Variants in DNAI2 observed in about 807,000 individuals in gnomAD.
DNAI2 encodes the protein dynein, axonemal, intermediate polypeptide 2.
A neutral mutation model predicts 74.7 loss-of-function variants in DNAI2; 63 were observed. The ratio of observed to expected loss-of-function variants is 0.84; its 90% CI spans 0.69 to 1.04. The LOEUF (loss-of-function observed/expected upper bound fraction) is 1.04. Among genes scored for constraint, DNAI2 ranks in the 50% least tolerant of loss-of-function variants. DNAI2 has a pLI of 0.00. For missense variants in DNAI2, 688 were observed against 803.2 expected (o/e 0.86, Z 1.73); for synonymous variants, 289 against 314.9 (o/e 0.92, Z 0.87).
rs1023125922 is a variant in DNAI2, at chr17:74,289,700, G to C, written c.574G>C (p.Val192Leu). 1 of 1,613,962 alleles carries C rather than the reference G, an allele frequency of 6.2e-7. No individual in the cohort carries two copies. The highest frequency in any genetic ancestry group is 8.5e-7 in the Non-Finnish European group (1 of 1,180,040). The change falls in exon 5 of 14, where the codon GTG becomes CTG. Residue 192 changes from valine to leucine, a missense_variant. Val to Leu is a conservative substitution (Grantham distance 32). Transcript: ENST00000311014. ...CTGCTTGGATTTTCAGCGGGCACCT[G>C]TGGGCATGAGCAGCGATTCATACAT... ...YSCLDFQRAPVGMSSDSYIWD... is the reference protein window; with the variant it reads ...YSCLDFQRAPLGMSSDSYIWD...
At chr17:74,291,511 G>A (rs2052097611) in intron 6 of DNAI2, among the ~76,000 whole-genome samples, 2 of 152,208 alleles carry the variant, frequency 1.3e-5, no homozygotes, top group African/African-American at 4.8e-5. Context: ...ATAGGGCAGA[G>A]CCCACATGGC....
intron 1 of DNAI2, among the ~76,000 whole-genome samples, chr17:74,279,164 C>T (rs1385540935): frequency 6.6e-6 from 1 of 152,044 alleles, no homozygotes; most frequent in Non-Finnish European, 1.5e-5. Flanking sequence ...GAGACTCCGT[C>T]TCAAAATAAA....
At chr17:74,286,615 G>A (rs1435820632) in intron 3 of DNAI2, among the ~76,000 whole-genome samples, 6 of 151,970 alleles carry the variant, frequency 3.9e-5, no homozygotes, top group Admixed American at 1.3e-4. Context: ...GGTAGAGATG[G>A]GGTTTTACTA....
chr17:74,281,854 G>A lies in DNAI2; in HGVS notation c.37G>A (p.Glu13Lys), dbSNP rs2051408034. Residue 13 changes from glutamate (E) to lysine (K), a missense_variant, in exon 2 of 14, where the codon GAG becomes AAG. Physicochemically the swap from Glu to Lys is moderately conservative, Grantham distance 56 (BLOSUM62 1). Transcript: ENST00000311014. ...IVYVYVKKRSEFGKQCNFSDR... is the reference protein window; with the variant it reads ...IVYVYVKKRSKFGKQCNFSDR... ...GTACGTGTACGTCAAGAAGCGCAGC[G>A]AGTTCGGGAAGCAGTGCAATTTCTC... The A allele has an allele frequency of 6.2e-7, 1 of 1,614,112 alleles. No individual in the cohort carries two copies. Among genetic ancestry groups the A allele is most frequent in the Non-Finnish European group, 8.5e-7 (1 of 1,180,038 alleles).
intron 6 of DNAI2, among the ~76,000 whole-genome samples, chr17:74,298,401 T>C (rs937155988): frequency 1.3e-5 from 2 of 152,098 alleles, no homozygotes; most frequent in Non-Finnish European, 2.9e-5. Context: ...GCCTCCCAGG[T>C]GCGAGTGATT....
chr17:74,309,240 C>A lies in DNAI2; in HGVS notation c.1212-13C>A. 6.2e-7 allele frequency: 1 copy of A among 1,613,868 alleles called. No homozygotes were observed. The highest frequency in any genetic ancestry group is 8.5e-7 in the Non-Finnish European group (1 of 1,179,894). ...TCTGTCCCTCCAACCATGATGTGGT[C>A]TACCTCCCACAGGTACCACATGGCT... On this transcript the variant is annotated splice_polypyrimidine_tract_variant and intron_variant, in intron 9 of 13. Coordinates refer to ENST00000311014, the MANE Select transcript of DNAI2 (RefSeq NM_023036.6).
Position 74,314,597 on chromosome 17 carries a change from CCAG to C in DNAI2, c.*65_*67del. On this transcript the variant is annotated 3_prime_UTR_variant, in exon 14 of 14. Coordinates refer to ENST00000311014, the MANE Select transcript of DNAI2 (RefSeq NM_023036.6). ...CGTTTGTAACCTTGCAGACCCTCAACCAGACTTGCATGGCCATGGCAGGGCCTC... is the reference window on the plus strand; with the variant it reads ...CGTTTGTAACCTTGCAGACCCTCAACACTTGCATGGCCATGGCAGGGCCTC... 7.1e-6 allele frequency: 2 copies of C among 282,262 alleles called. No homozygotes were observed. The highest frequency in any genetic ancestry group is 7.1e-6 in the Non-Finnish European group (1 of 140,622). The allele number at this position is 282,262 out of a possible 1,614,324, so 17.5% of individuals were successfully genotyped here.
chr17:74,282,265 G>A (rs1246363263), intron 2 of DNAI2, among the ~76,000 whole-genome samples: 1 of 151,994 alleles, frequency 6.6e-6, no homozygotes, highest in Non-Finnish European at 1.5e-5. Flanking sequence ...GTTTCACCTC[G>A]AAGACACTTA....
At position 74,299,691 on chromosome 17, in the gene DNAI2, C is replaced by T. The variant is rs72848284; in HGVS notation, c.725-27C>T. Reference sequence around the variant, plus strand: ...GGAAGGAAGCCTGTGCCCCCTTCCACTCCTTCTTCATCTCCTTCCTCACCA... The same window carrying T: ...GGAAGGAAGCCTGTGCCCCCTTCCATTCCTTCTTCATCTCCTTCCTCACCA... On this transcript the variant is annotated intron_variant, in intron 6 of 13. Transcript: ENST00000311014. 59,610 of 1,612,962 alleles carry T rather than the reference C, an allele frequency of 0.037. 1,381 individuals are homozygous for T. Among genetic ancestry groups the T allele is most frequent in the Non-Finnish European group, 0.044 (51,898 of 1,179,918 alleles).
chr17:74,312,236 G>T lies in DNAI2; in HGVS notation c.1722+6G>T, dbSNP rs1172124133. 5.8e-6 allele frequency: 8 copies of T among 1,380,106 alleles called. No individual in the cohort carries two copies. Among genetic ancestry groups the T allele is most frequent in the Non-Finnish European group, 6.1e-6 (6 of 988,642 alleles). 85.5% of individuals were successfully genotyped at this position (1,380,106 alleles called of 1,614,324 possible). ...TAAAGCTGACGCCAGTGCCTGTAGG[G>T]GCCTGGACAGGGGTTGGGTGGGTTG... On this transcript the variant is annotated splice_donor_region_variant and intron_variant, in intron 12 of 13. Coordinates refer to ENST00000311014, the MANE Select transcript of DNAI2 (RefSeq NM_023036.6).
chr17:74,302,472 CAGG>C, intron 8 of DNAI2, among the ~76,000 whole-genome samples: 1 of 152,174 alleles, frequency 6.6e-6, no homozygotes, highest in South Asian at 2.1e-4. Context: ...GAGGCTGAGG[CAGG>C]AGAATTGCTT....
At chr17:74,309,904 T>G in intron 10 of DNAI2, 113 bp from the exon 11 acceptor site, 2 of 1,410,618 alleles carry the variant, frequency 1.4e-6, no homozygotes, top group Admixed American at 1.7e-5. Context: ...AGAGGCGTCC[T>G]GAGGATGTTT....
rs1390783712 is a variant in DNAI2 at position 74,274,285 on chromosome 17, AGCCGCGACCG to A, written c.-71_-62del. The A allele has an allele frequency of 2.4e-5, 2 of 83,062 alleles. No homozygotes were observed. The highest frequency in any genetic ancestry group is 1.9e-4 in the Admixed American group (1 of 5,390). The allele number at this position is 83,062 out of a possible 1,614,324, so 5.1% of individuals were successfully genotyped here. On this transcript the variant is annotated 5_prime_UTR_variant, in exon 1 of 14. The change creates a new upstream start codon in the 5' untranslated region. Coordinates refer to ENST00000311014, the MANE Select transcript of DNAI2 (RefSeq NM_023036.6). ...AACGCCGCCGTTTGAGGAGCACCGGAGCCGCGACCGTGGATTGAACGCTTCCCCAGAGACC... is the reference window on the plus strand; with the variant it reads ...AACGCCGCCGTTTGAGGAGCACCGGATGGATTGAACGCTTCCCCAGAGACC...
intron 11 of DNAI2, 34 bp downstream of exon 11, chr17:74,310,197 G>T (rs372237155): frequency 6.2e-7 from 1 of 1,609,118 alleles, no homozygotes; most frequent in South Asian, 1.1e-5. Context: ...AATCCCTCCA[G>T]CACGTCCCGA....
chr17:74,314,266 C>T lies in DNAI2; in HGVS notation c.*50C>T. On this transcript the variant is annotated 3_prime_UTR_variant, in exon 13 of 14. Transcript: ENST00000311014. ...ATCCCTGTGTGCCTTCCTTTCCCACCTCTTGGTATTGCCCCGCTCTCACAA... is the reference window on the plus strand; with the variant it reads ...ATCCCTGTGTGCCTTCCTTTCCCACTTCTTGGTATTGCCCCGCTCTCACAA... 2 of 1,611,850 alleles carry T rather than the reference C, an allele frequency of 1.2e-6. No homozygotes were observed. Among genetic ancestry groups the T allele is most frequent in the Non-Finnish European group, 1.7e-6 (2 of 1,178,584 alleles).
At chr17:74,301,940 A>AAT (rs1427702393) in intron 8 of DNAI2, among the ~76,000 whole-genome samples, 8 of 23,472 alleles carry the variant, frequency 3.4e-4, no homozygotes, top group Non-Finnish European at 6.7e-4. Flanking sequence ...GGAAGGAAGG[A>AAT]AGGAAGGAAG....
intron 8 of DNAI2, among the ~76,000 whole-genome samples, chr17:74,301,926 G>A (rs868804405): frequency 3.2e-3 from 31 of 9,698 alleles, no homozygotes; most frequent in South Asian, 8.5e-3. Flanking sequence ...AAGGAAGGAA[G>A]GAAGGAAGGA....
chr17:74,281,408 A>G (rs958787296), intron 1 of DNAI2: 7 of 384,414 alleles, frequency 1.8e-5, no homozygotes, highest in African/African-American at 4.0e-5. Context: ...ACAGGTGTGC[A>G]CCACCATGCC....
At chr17:74,279,725 C>T (rs749872998) in intron 1 of DNAI2, among the ~76,000 whole-genome samples, 2 of 152,164 alleles carry the variant, frequency 1.3e-5, no homozygotes, top group Non-Finnish European at 2.9e-5. Flanking sequence ...GATGGGTTTT[C>T]GCCATGTTGG....
Sources: gnomAD v4.1 joint callset for allele counts (sites outside exome capture counted in the v4.1 genomes callset) on GRCh38, gnomAD v4.1.1 for gene constraint, MANE v1.5 for transcripts, NCBI Gene and HGNC (gene_info 2026-07-23, HGNC 2026-07-21) for gene names.